The following PACS1 variants were observed in gnomAD, a reference collection of about 807,000 sequenced individuals.
PACS1 encodes phosphofurin acidic cluster sorting protein 1.
PACS1 carries 24 observed loss-of-function variants against 115.0 expected under a neutral mutation model. That is an observed-to-expected ratio of 0.21 (90% CI 0.15 to 0.29). The LOEUF is 0.29. Among genes scored for constraint, PACS1 ranks in the 10% least tolerant of loss-of-function variants. The pLI is 1.00. For synonymous variants in PACS1, 453 were observed against 504.5 expected, an observed-to-expected ratio of 0.90 and a Z score of 1.37; for missense variants, 838 against 1,251.2, an observed-to-expected ratio of 0.67 and a Z score of 4.98.
At chr11:66,090,253 T>C (rs1323687706) in intron 1 of PACS1, among the ~76,000 whole-genome samples, 1 of 150,262 alleles carries the variant, frequency 6.7e-6, no homozygotes, top group Non-Finnish European at 1.5e-5. Flanking sequence ...TCTTCTCTTC[T>C]TTTCTCTTCT....
At chr11:66,077,636 G>C (rs1857419030) in intron 1 of PACS1, among the ~76,000 whole-genome samples, 1 of 151,658 alleles carries the variant, frequency 6.6e-6, no homozygotes, top group East Asian at 1.9e-4. Flanking sequence ...AGGCATAGGT[G>C]ATAAAATAGT....
intron 7 of PACS1, chr11:66,217,601 G>C (rs908188283): frequency 2.2e-6 from 1 of 456,202 alleles, no homozygotes; most frequent in Non-Finnish European, 4.4e-6. Context: ...TCACAATGAG[G>C]TGTCACTGGA....
At chr11:66,178,315 G>T (rs1859920782) in intron 1 of PACS1, among the ~76,000 whole-genome samples, 1 of 151,974 alleles carries the variant, frequency 6.6e-6, no homozygotes, top group Admixed American at 6.6e-5. Context: ...TGTTAGTGTT[G>T]CATGTTTTGA....
At chr11:66,093,784 A>G (rs897916795) in intron 1 of PACS1, among the ~76,000 whole-genome samples, 46 of 151,938 alleles carry the variant, frequency 3.0e-4, no homozygotes, top group African/African-American at 1.1e-3. Flanking sequence ...AAAATTGACC[A>G]CATAGTTGGA....
At chr11:66,193,768 T>G (rs539714091) in intron 2 of PACS1, among the ~76,000 whole-genome samples, 195 bp downstream of exon 2, 20 of 152,336 alleles carry the variant, frequency 1.3e-4, no homozygotes, top group African/African-American at 4.8e-4. Context: ...GGCACTCAGT[T>G]TCTTCAAACC....
chr11:66,187,096 G>T (rs1439140069), intron 1 of PACS1, among the ~76,000 whole-genome samples: 2 of 152,176 alleles, frequency 1.3e-5, no homozygotes, highest in Non-Finnish European at 2.9e-5. Flanking sequence ...ACTACATTTT[G>T]TTTGTTCATT....
chr11:66,216,313 G>C, intron 5 of PACS1, 50 bp downstream of exon 5: 1 of 1,605,748 alleles, frequency 6.2e-7, no homozygotes, highest in Non-Finnish European at 8.5e-7. Flanking sequence ...AGCCCATCCT[G>C]GGAAAGGTGA....
intron 2 of PACS1, among the ~76,000 whole-genome samples, chr11:66,202,250 C>G (rs955450582): frequency 6.6e-6 from 1 of 152,136 alleles, no homozygotes; most frequent in South Asian, 2.1e-4. Context: ...ACAAAGTCTT[C>G]CAGCAAAGAA....
Position 66,219,870 on chromosome 11 carries a change from G to T in PACS1, c.1038+65G>T, listed in dbSNP as rs547831075. 1.4e-5 allele frequency: 16 copies of T among 1,130,140 alleles called. No individual in the cohort carries two copies. The African/African-American group carries it at 2.0e-4, about 14-fold the overall frequency. 70.0% of individuals were successfully genotyped at this position (1,130,140 alleles called of 1,614,324 possible). On this transcript the variant is annotated intron_variant, in intron 8 of 23. Coordinates refer to ENST00000320580, the MANE Select transcript of PACS1 (RefSeq NM_018026.4). ...TCCCCGGGTTTCACCCAGCATCCCT[G>T]GAGTACACTCTGTATTGCCACTGAG...
At chr11:66,148,392 T>A (rs1349985819) in intron 1 of PACS1, among the ~76,000 whole-genome samples, 2 of 152,162 alleles carry the variant, frequency 1.3e-5, no homozygotes, top group Non-Finnish European at 2.9e-5. Flanking sequence ...AATGATCCTC[T>A]TGCCTCGGCC....
At chr11:66,222,524 A>G (rs1590830627) in intron 10 of PACS1, among the ~76,000 whole-genome samples, 2 of 152,102 alleles carry the variant, frequency 1.3e-5, no homozygotes, top group East Asian at 3.9e-4. Context: ...TCCTTCGTTT[A>G]CAATGGAAGG....
chr11:66,227,198 A>G (rs1381209797), intron 10 of PACS1, among the ~76,000 whole-genome samples: 4 of 152,210 alleles, frequency 2.6e-5, no homozygotes, highest in Admixed American at 2.0e-4. Context: ...CAAAGACTTC[A>G]TGGATGCAAT....
At position 66,070,633 on chromosome 11, in the gene PACS1, G is replaced by A; in HGVS notation, c.147G>A (p.Lys49=). Residue 49 remains lysine (K), a synonymous_variant, in exon 1 of 24, where the codon AAG becomes AAA. Transcript: ENST00000320580. This position sits in a 1 kb window ranked among gnomAD's most constrained non-coding sequence, Gnocchi z 5.9. Reference sequence around the variant, plus strand: ...CGCCGCAGCAGCCGACGCCCCCCAAGCTGGCCCAGGCCACCTCGTCGTCCT... The same window carrying A: ...CGCCGCAGCAGCCGACGCCCCCCAAACTGGCCCAGGCCACCTCGTCGTCCT... ...QQPPQQPTPP[K]LAQATSSSSS... The A allele has an allele frequency of 1.3e-6, 2 of 1,552,028 alleles. No individual in the cohort carries two copies. The highest frequency in any genetic ancestry group is 8.6e-7 in the Non-Finnish European group (1 of 1,157,368).
intron 10 of PACS1, among the ~76,000 whole-genome samples, chr11:66,224,279 A>G (rs930045731): frequency 4.6e-5 from 7 of 151,420 alleles, no homozygotes; most frequent in Admixed American, 3.3e-4. Flanking sequence ...GCAAAAACAC[A>G]TTTGGGACAG....
chr11:66,185,955 C>A (rs906143911), intron 1 of PACS1, among the ~76,000 whole-genome samples: 1 of 152,060 alleles, frequency 6.6e-6, no homozygotes, highest in Non-Finnish European at 1.5e-5. Context: ...GAAGAGGTTT[C>A]TTTCTTTCTC....
intron 1 of PACS1, among the ~76,000 whole-genome samples, chr11:66,103,714 A>T (rs1008481678): frequency 6.6e-6 from 1 of 151,982 alleles, no homozygotes; most frequent in African/African-American, 2.4e-5. Context: ...GGGTTTCACC[A>T]TGTTGGCCAG....
intron 1 of PACS1, among the ~76,000 whole-genome samples, chr11:66,143,455 A>C (rs1057362382): frequency 1.3e-5 from 2 of 152,160 alleles, no homozygotes; most frequent in African/African-American, 4.8e-5. Context: ...TGGGTTCTCC[A>C]GAGGCTGGGG....
chr11:66,098,189 A>G (rs1266020299), intron 1 of PACS1, among the ~76,000 whole-genome samples: 1 of 151,992 alleles, frequency 6.6e-6, no homozygotes, highest in East Asian at 2.0e-4. Flanking sequence ...AAATAATAAA[A>G]ATAATAAGAG....
Position 66,238,391 on chromosome 11 carries a change from C to T in PACS1, c.2251-413C>T, listed in dbSNP as rs57425442. ...TCCCCAGAGAAGAGCTGCAAAGTCT[C>T]GCATGCCCCATCTCATTGTTGCAAC... is the stretch of plus-strand genomic sequence containing the variant. On this transcript the variant is annotated intron_variant, in intron 19 of 23. Transcript: ENST00000320580. The T allele has an allele frequency of 6.5e-4, 632 of 977,450 alleles. 2 individuals are homozygous for T. In the African/African-American group the frequency reaches 9.7e-3, roughly 15 times the overall value. The allele number at this position is 977,450 out of a possible 1,614,324, so 60.5% of individuals were successfully genotyped here.
Sources: allele counts gnomAD v4.1 joint callset (sites outside exome capture counted in the v4.1 genomes callset), GRCh38; gene constraint gnomAD v4.1.1; non-coding constraint Gnocchi (gnomAD v3.1); transcripts MANE v1.5; gene names NCBI Gene and HGNC (gene_info 2026-07-23, HGNC 2026-07-21).